MYCBP2: variants seen among roughly 807,000 people sequenced by gnomAD.
MYCBP2 encodes the protein E3 ubiquitin-protein ligase MYCBP2.
Under a neutral mutation model 525.3 loss-of-function variants are expected in MYCBP2, and 120 were observed. That is an observed-to-expected ratio of 0.23 (90% CI 0.20 to 0.27). MYCBP2 has a LOEUF of 0.27. MYCBP2 is among the 10% of genes least tolerant of loss of function. MYCBP2 has a pLI of 1.00. For missense variants in MYCBP2, 4,149 were observed against 5,657.1 expected (o/e 0.73, Z 8.55); for synonymous variants, 1,894 against 1,955.8 (o/e 0.97, Z 0.83).
rs1394662194 is a variant in MYCBP2, at chr13:77,288,330, T to C, written c.425A>G (p.His142Arg). The change falls in exon 3 of 83, where the codon CAT (histidine) becomes CGT (arginine). Residue 142 changes from histidine to arginine, a missense_variant. This residue lies in a region of MYCBP2 where 413 missense variants were observed against 451.2 expected (regional missense o/e 0.92). Coordinates refer to ENST00000544440, the MANE Select transcript of MYCBP2 (RefSeq NM_015057.5). ...AATATTGAAAGCAGAAGGATTGCTATGTAGTTTGATATCTGGTATGATTAC... is the reference window on the plus strand; with the variant it reads ...AATATTGAAAGCAGAAGGATTGCTACGTAGTTTGATATCTGGTATGATTAC... ...NTVIIPDIKLHSNPSAFNIYC... is the reference protein window; with the variant it reads ...NTVIIPDIKLRSNPSAFNIYC... The C allele has an allele frequency of 6.2e-7, 1 of 1,614,168 alleles. No homozygotes were observed. The highest frequency in any genetic ancestry group is 1.1e-5 in the South Asian group (1 of 91,088).
At chr13:77,202,202 A>AAT in intron 26 of MYCBP2, among the ~76,000 whole-genome samples, 1 of 152,244 alleles carries the variant, frequency 6.6e-6, no homozygotes, top group East Asian at 1.9e-4. Context: ...AAAATGATAA[A>AAT]GGGGATATCA....
intron 31 of MYCBP2, 141 bp from the exon 32 acceptor site, chr13:77,185,518 G>A: frequency 1.1e-6 from 1 of 921,600 alleles, no homozygotes; most frequent in Non-Finnish European, 1.6e-6. Flanking sequence ...TAGAGATTAA[G>A]TGTAGTCCCA....
intron 40 of MYCBP2, 119 bp downstream of exon 40, chr13:77,168,309 T>A: frequency 1.3e-6 from 1 of 749,270 alleles, no homozygotes; most frequent in Non-Finnish European, 2.2e-6. Flanking sequence ...TGATTCTCTA[T>A]ATGTAAATAC....
Position 77,225,506 on chromosome 13 carries a change from T to C in MYCBP2, c.2786A>G (p.Tyr929Cys). 1 of 1,613,402 alleles carries C rather than the reference T, an allele frequency of 6.2e-7. No homozygotes were observed. ...GEKDASKITT[Y>C]PPGSVRFDCE... Reference sequence around the variant, plus strand: ...GTCAAATCGCACAGAGCCTGGAGGGTATGTTGTGATTTTGCTTGCATCCTT... The same window carrying C: ...GTCAAATCGCACAGAGCCTGGAGGGCATGTTGTGATTTTGCTTGCATCCTT... Residue 929 changes from tyrosine to cysteine, a missense_variant, in exon 19 of 83, where the codon TAC (tyrosine) becomes TGC (cysteine). By Grantham distance (194) the Tyr-to-Cys change is radical. Around this residue, in one of 21 missense-constraint regions of MYCBP2, gnomAD observed 620 missense variants for 795.5 expected, o/e 0.78. Coordinates refer to ENST00000544440, the MANE Select transcript of MYCBP2 (RefSeq NM_015057.5).
intron 26 of MYCBP2, 107 bp from the exon 27 acceptor site, chr13:77,194,351 A>C: frequency 2.8e-6 from 2 of 718,812 alleles, no homozygotes; most frequent in East Asian, 2.6e-5. Flanking sequence ...ACCATACCAA[A>C]TGTAAAAAAT....
intron 1 of MYCBP2, among the ~76,000 whole-genome samples, chr13:77,304,713 A>G (rs1313639840): frequency 6.6e-6 from 1 of 152,178 alleles, no homozygotes; most frequent in African/African-American, 2.4e-5. Flanking sequence ...TCAAAATATC[A>G]TATTATACCC....
At chr13:77,310,255 C>T (rs537847287) in intron 1 of MYCBP2, among the ~76,000 whole-genome samples, 6 of 152,312 alleles carry the variant, frequency 3.9e-5, no homozygotes, top group South Asian at 4.1e-4. Context: ...CATTTTTATG[C>T]ACCCCGCTAC....
intron 44 of MYCBP2, among the ~76,000 whole-genome samples, chr13:77,159,348 C>T (rs1827683723): frequency 1.3e-5 from 2 of 151,858 alleles, no homozygotes; most frequent in Admixed American, 1.3e-4. Context: ...AGAATAACTA[C>T]CTTACATGCC....
At chr13:77,185,624 T>G (rs1261608196) in intron 31 of MYCBP2, among the ~76,000 whole-genome samples, 1 of 152,262 alleles carries the variant, frequency 6.6e-6, no homozygotes, top group Non-Finnish European at 1.5e-5. Context: ...AGAATTTGTT[T>G]AAAATTAAAC....
At chr13:77,275,756 G>A (rs2075474955) in intron 4 of MYCBP2, among the ~76,000 whole-genome samples, 1 of 152,144 alleles carries the variant, frequency 6.6e-6, no homozygotes, top group South Asian at 2.1e-4. Flanking sequence ...GGCTGAGGTG[G>A]GCAAATCACC....
At chr13:77,205,684 TTAAAA>T in intron 24 of MYCBP2, 86 bp from the exon 25 acceptor site, 1 of 1,131,048 alleles carries the variant, frequency 8.8e-7, no homozygotes, top group South Asian at 1.8e-5. Context: ...AGGGGATAAA[TTAAAA>T]TAAATAAACT....
At chr13:77,129,183 T>G in intron 52 of MYCBP2, 1 of 398,016 alleles carries the variant, frequency 2.5e-6, no homozygotes, top group Non-Finnish European at 4.4e-6. Context: ...TGGAAGTCCA[T>G]GAAAATACGT....
intron 2 of MYCBP2, among the ~76,000 whole-genome samples, chr13:77,294,922 A>G (rs371538316): frequency 2.6e-5 from 4 of 152,286 alleles, no homozygotes; most frequent in East Asian, 3.9e-4. Flanking sequence ...CAGTCTAACC[A>G]AAGTATCCCG....
intron 44 of MYCBP2, among the ~76,000 whole-genome samples, chr13:77,158,469 C>A (rs2057476129): frequency 6.6e-6 from 1 of 152,100 alleles, no homozygotes; most frequent in South Asian, 2.1e-4. Context: ...CTTTTTGAGA[C>A]AGGGCCTTAC....
intron 28 of MYCBP2, among the ~76,000 whole-genome samples, chr13:77,190,778 A>C (rs1164992773): frequency 6.6e-6 from 1 of 152,198 alleles, no homozygotes; most frequent in African/African-American, 2.4e-5. Flanking sequence ...GTTGATGCAC[A>C]TAACAACAGA....
chr13:77,308,119 A>G (rs1567219273), intron 1 of MYCBP2, among the ~76,000 whole-genome samples: 1 of 152,224 alleles, frequency 6.6e-6, no homozygotes, highest in Non-Finnish European at 1.5e-5. Flanking sequence ...TAAGTTCTCT[A>G]TCAAGGTACA....
chr13:77,171,733 T>C (rs1226905097), intron 37 of MYCBP2, 99 bp from the exon 38 acceptor site: 5 of 1,199,680 alleles, frequency 4.2e-6, no homozygotes, highest in Admixed American at 5.1e-5. Context: ...ATTTAATTTA[T>C]AGCTTTTTAA....
intron 43 of MYCBP2, among the ~76,000 whole-genome samples, chr13:77,163,109 C>T (rs2058134110): frequency 6.6e-6 from 1 of 152,118 alleles, no homozygotes; most frequent in African/African-American, 2.4e-5. Context: ...CTTATTTAAC[C>T]AGTTCCCAAC....
chr13:77,074,208 T>C (rs1302927446), intron 68 of MYCBP2, among the ~76,000 whole-genome samples: 1 of 152,130 alleles, frequency 6.6e-6, no homozygotes, highest in Non-Finnish European at 1.5e-5. Flanking sequence ...CTACCATTTA[T>C]GGTAAATTGA....
Sources: gnomAD v4.1 joint callset for allele counts (sites outside exome capture counted in the v4.1 genomes callset) on GRCh38, gnomAD v4.1.1 for gene constraint, gnomAD v4.1.1 regional missense constraint, MANE v1.5 for transcripts, NCBI Gene and HGNC (gene_info 2026-07-23, HGNC 2026-07-21) for gene names.